The following CFI variants were observed in gnomAD, a reference collection of about 807,000 sequenced individuals.
CFI encodes the protein C3B/C4B inactivator.
In CFI, 66 loss-of-function variants were observed where a neutral mutation model predicts 78.8. The ratio of observed to expected loss-of-function variants is 0.84; its 90% confidence interval spans 0.69 to 1.03. The LOEUF is 1.03. CFI is among the 50% of genes least tolerant of loss of function. The pLI, the probability that CFI is intolerant of heterozygous loss-of-function variation, is 0.00. For synonymous variants in CFI, 250 were observed against 232.6 expected, an observed-to-expected ratio of 1.07 and a Z score of -0.68; for missense variants, 706 against 704.5, an observed-to-expected ratio of 1.00 and a Z score of -0.02.
intron 12 of CFI, chr4:109,741,846 A>T (rs537070557): frequency 3.2e-5 from 5 of 156,140 alleles, no homozygotes; most frequent in Non-Finnish European, 5.7e-5. Context: ...ACCTAAATGC[A>T]CTACACTGGC....
At chr4:109,770,206 G>T (rs1475563684) in intron 1 of CFI, among the ~76,000 whole-genome samples, 3 of 152,164 alleles carry the variant, frequency 2.0e-5, no homozygotes, top group Admixed American at 1.3e-4. Context: ...TAAGGAAATG[G>T]GAAACCACAC....
Position 109,740,982 on chromosome 4 carries a change from A to T in CFI, c.1663T>A (p.Phe555Ile), listed in dbSNP as rs1723715375. The T allele has an allele frequency of 6.2e-7, 1 of 1,614,018 alleles. No individual in the cohort carries two copies. Among genetic ancestry groups the T allele is most frequent in the Non-Finnish European group, 8.5e-7 (1 of 1,180,004 alleles). ...SWGENCGKPE[F>I]PGVYTKVANY... ...GCCACTTTGGTGTAAACACCTGGGAACTCTGGTTTTCCACAGTTTTCCCCC... is the reference window on the plus strand; with the variant it reads ...GCCACTTTGGTGTAAACACCTGGGATCTCTGGTTTTCCACAGTTTTCCCCC... The change falls in exon 13 of 13, where the codon TTC becomes ATC. Residue 555 changes from phenylalanine to isoleucine, a missense_variant. By Grantham distance (21) the Phe-to-Ile change is conservative. Transcript: ENST00000394634.
At chr4:109,750,623 G>T (rs1167844925) in intron 8 of CFI, among the ~76,000 whole-genome samples, 1 of 152,096 alleles carries the variant, frequency 6.6e-6, no homozygotes, top group Non-Finnish European at 1.5e-5. Context: ...ATTTTCCAAA[G>T]AATTTATGAT....
intron 1 of CFI, chr4:109,793,293 T>A (rs563156580): frequency 6.6e-6 from 1 of 152,260 alleles, no homozygotes; most frequent in South Asian, 2.1e-4. Flanking sequence ...TACATCTTTA[T>A]ACATTGTGCA....
intron 10 of CFI, among the ~76,000 whole-genome samples, chr4:109,748,677 G>C (rs1435183895): frequency 6.6e-6 from 1 of 152,176 alleles, no homozygotes; most frequent in Non-Finnish European, 1.5e-5. Context: ...ATCCAGAGTA[G>C]AGGTGGTGGA....
chr4:109,789,530 T>C (rs1731128429), intron 1 of CFI, among the ~76,000 whole-genome samples: 1 of 152,074 alleles, frequency 6.6e-6, no homozygotes, highest in Non-Finnish European at 1.5e-5. Context: ...TTTAAAGTAC[T>C]GAAAGAGAAA....
At chr4:109,770,366 C>T (rs1031608706) in intron 1 of CFI, among the ~76,000 whole-genome samples, 1 of 151,844 alleles carries the variant, frequency 6.6e-6, no homozygotes, top group East Asian at 1.9e-4. Flanking sequence ...TTGAGACCAA[C>T]CTGGCTAACA....
At chr4:109,769,950 G>C (rs1412026619) in intron 1 of CFI, among the ~76,000 whole-genome samples, 1 of 152,106 alleles carries the variant, frequency 6.6e-6, no homozygotes, top group African/African-American at 2.4e-5. Context: ...TCAGACTTCA[G>C]GGAACACATG....
chr4:109,784,014 T>A (rs1266980384), intron 1 of CFI, among the ~76,000 whole-genome samples: 10 of 151,324 alleles, frequency 6.6e-5, no homozygotes, highest in Admixed American at 2.7e-4. Context: ...AATAATAAAA[T>A]GAACTTTGGA....
At chr4:109,754,685 A>G (rs1725907908) in intron 7 of CFI, among the ~76,000 whole-genome samples, 1 of 152,106 alleles carries the variant, frequency 6.6e-6, no homozygotes, top group Non-Finnish European at 1.5e-5. Flanking sequence ...CAGGCATATG[A>G]GTGTTTGTTA....
At chr4:109,752,329 GAAT>G (rs1725242731) in intron 8 of CFI, 136 bp downstream of exon 8, 10 of 727,802 alleles carry the variant, frequency 1.4e-5, no homozygotes, top group South Asian at 7.2e-5. Context: ...AGAGAAAGGA[GAAT>G]AATAATGTTA....
Position 109,766,817 on chromosome 4 carries a change from T to C in CFI, c.65A>G (p.Tyr22Cys), listed in dbSNP as rs151142273. The change falls in exon 2 of 13, where the codon TAT becomes TGT. Residue 22 changes from tyrosine (Y) to cysteine (C), a missense_variant. By Grantham distance (194) the Tyr-to-Cys change is radical. Coordinates refer to ENST00000394634, the MANE Select transcript of CFI (RefSeq NM_000204.5). ...CFHLRFCKVT[Y>C]TSQEDLVEKK... ...CTCCACCAGATCCTCTTGAGATGTA[T>C]AAGTGACCTGTAAAATGCAAAATAA... The C allele has an allele frequency of 1.7e-5, 28 of 1,614,172 alleles. No individual in the cohort carries two copies. In the African/African-American group the frequency reaches 2.1e-4, roughly 12 times the overall value.
In CFI at chr4:109,743,903, T is replaced by G. The variant is rs552454749; in HGVS notation, c.1430-1308A>C. On this transcript the variant is annotated intron_variant, in intron 11 of 12. Transcript: ENST00000394634. ...TGGTGGTTGAGGTGGGAGGATCGCTTGAGCCCCAGAGCTCAAGGTTGCAGT... is the reference window on the plus strand; with the variant it reads ...TGGTGGTTGAGGTGGGAGGATCGCTGGAGCCCCAGAGCTCAAGGTTGCAGT... Among the ~76,000 whole-genome samples, 3 of 152,160 alleles carry G rather than the reference T, an allele frequency of 2.0e-5. No individual in the cohort carries two copies. The East Asian group carries it at 5.8e-4, about 29-fold the overall frequency.
intron 1 of CFI, among the ~76,000 whole-genome samples, chr4:109,800,321 G>GTTTTT (rs554145445): frequency 2.1e-5 from 1 of 48,774 alleles, no homozygotes; most frequent in African/African-American, 7.8e-5. Flanking sequence ...TGGCTTCTCT[G>GTTTTT]TTTTTTTTTT....
intron 1 of CFI, among the ~76,000 whole-genome samples, chr4:109,785,740 T>A (rs1391961449): frequency 3.3e-5 from 5 of 152,068 alleles, no homozygotes; most frequent in Non-Finnish European, 7.4e-5. Flanking sequence ...GTGGAGGTAA[T>A]TAAATCATGG....
At chr4:109,737,800 T>A (rs2126175134), downstream of CFI, among the ~76,000 whole-genome samples, 1 of 152,354 alleles carries the variant, frequency 6.6e-6, no homozygotes, top group African/African-American at 2.4e-5. Flanking sequence ...TGAATAAATC[T>A]ATTTTTTCAT....
At position 109,760,305 on chromosome 4, in the gene CFI, T is replaced by C. The variant is rs756201106; in HGVS notation, c.848A>G (p.Asp283Gly). 5.6e-6 allele frequency: 9 copies of C among 1,614,006 alleles called. No homozygotes were observed. In the East Asian group the frequency reaches 2.0e-4, roughly 36 times the overall value. Residue 283 changes from aspartate (D) to glycine (G), a missense_variant, in exon 6 of 13, where the codon GAC (aspartate) becomes GGC (glycine). By Grantham distance (94) the Asp-to-Gly change is moderately conservative. Transcript: ENST00000394634. ...PSQYQCNGEV[D>G]CITGEDEVGC... ...AACTTCATCTTCCCCTGTAATGCAG[T>C]CCACCTCACCATTGCATTGATACTG...
At chr4:109,764,511 GA>G (rs758041577) in intron 3 of CFI, 25 bp downstream of exon 3, 1 of 1,613,306 alleles carries the variant, frequency 6.2e-7, no homozygotes, top group East Asian at 2.2e-5. Flanking sequence ...TCAGCCATGA[GA>G]AAATCCACTG....
intron 1 of CFI, among the ~76,000 whole-genome samples, chr4:109,800,866 T>C (rs1260948543): frequency 1.3e-5 from 2 of 152,212 alleles, no homozygotes; most frequent in Non-Finnish European, 2.9e-5. Flanking sequence ...TCAATGGCTA[T>C]GTAATAGTTC....
Sources: gnomAD v4.1 joint callset for allele counts (sites outside exome capture counted in the v4.1 genomes callset) on GRCh38, gnomAD v4.1.1 for gene constraint, MANE v1.5 for transcripts, NCBI Gene and HGNC (gene_info 2026-07-23, HGNC 2026-07-21) for gene names.